The following PIWIL1 variants were observed in gnomAD, a reference collection of about 807,000 sequenced individuals.
PIWIL1 encodes the protein piwi-like protein 1.
A neutral mutation model predicts 114.4 loss-of-function variants in PIWIL1; 73 were observed. The ratio of observed to expected loss-of-function variants is 0.64; its 90% CI spans 0.53 to 0.78. PIWIL1 has a LOEUF of 0.78. Among genes scored for constraint, PIWIL1 ranks in the 30% least tolerant of loss-of-function variants. The pLI is 0.00. For synonymous variants in PIWIL1, 375 were observed against 369.0 expected, an observed-to-expected ratio of 1.02 and a Z score of -0.19; for missense variants, 723 against 1,063.1, an observed-to-expected ratio of 0.68 and a Z score of 4.45.
chr12:130,377,463 T>A (rs1184325691), downstream of PIWIL1, among the ~76,000 whole-genome samples: 1 of 152,154 alleles, frequency 6.6e-6, no homozygotes, highest in East Asian at 1.9e-4. Context: ...GACGTGGATA[T>A]GTTAGAAATC....
chr12:130,423,652 T>C, the PIWIL1 span, among the ~76,000 whole-genome samples: 1 of 33,322 alleles, frequency 3.0e-5, no homozygotes. Context: ...TTGGAAACAA[T>C]ATGCAAAAAA....
intron 18 of PIWIL1, among the ~76,000 whole-genome samples, chr12:130,365,122 G>A (rs1356418045): frequency 2.0e-5 from 3 of 152,144 alleles, no homozygotes; most frequent in Non-Finnish European, 4.4e-5. Flanking sequence ...TGGTGGGTGC[G>A]CCTACCCAGC....
At chr12:130,390,703 T>C in the PIWIL1 span, among the ~76,000 whole-genome samples, 1 of 152,236 alleles carries the variant, frequency 6.6e-6, no homozygotes, top group Non-Finnish European at 1.5e-5. Flanking sequence ...AAGTCATTTG[T>C]CATAGACCTT....
At chr12:130,341,852 C>G (rs1435828452) in intron 1 of PIWIL1, among the ~76,000 whole-genome samples, 1 of 152,134 alleles carries the variant, frequency 6.6e-6, no homozygotes, top group Admixed American at 6.5e-5. Flanking sequence ...TCCCAGCTCA[C>G]AGGAAGCACT....
chr12:130,355,320 G>A (rs1317988847), intron 11 of PIWIL1, among the ~76,000 whole-genome samples: 2 of 152,162 alleles, frequency 1.3e-5, no homozygotes, highest in Non-Finnish European at 2.9e-5. Context: ...GGTTTCCTTT[G>A]ACGGGGAGAA....
At chr12:130,346,037 T>A (rs140878985) in intron 4 of PIWIL1, among the ~76,000 whole-genome samples, 159 bp downstream of exon 4, 1 of 152,338 alleles carries the variant, frequency 6.6e-6, no homozygotes, top group African/African-American at 2.4e-5. Flanking sequence ...GTTATAGATA[T>A]CTTTAACTGC....
chr12:130,399,944 TGAAAG>T, the PIWIL1 span: 5 of 1,016,194 alleles, frequency 4.9e-6, no homozygotes, highest in East Asian at 5.1e-5. Context: ...TGGCAGGACT[TGAAAG>T]GACTCTAAAT....
At chr12:130,406,189 C>T in the PIWIL1 span, 1 of 1,585,306 alleles carries the variant, frequency 6.3e-7, no homozygotes, top group Non-Finnish European at 8.7e-7. Context: ...AATCCATCTT[C>T]ATCAATTTCA....
chr12:130,405,261 G>A, the PIWIL1 span, among the ~76,000 whole-genome samples: 4 of 152,150 alleles, frequency 2.6e-5, no homozygotes, highest in African/African-American at 9.7e-5. Flanking sequence ...TGAAACACAT[G>A]TGACAAAGTA....
chr12:130,348,059 A>C, intron 6 of PIWIL1, 44 bp from the exon 7 acceptor site: 94 of 1,263,322 alleles, frequency 7.4e-5, no homozygotes, highest in Non-Finnish European at 9.9e-5. Context: ...TTGTCGTATT[A>C]GAGATACTTA....
downstream of PIWIL1, among the ~76,000 whole-genome samples, chr12:130,376,617 C>T (rs530357046): frequency 2.0e-5 from 3 of 152,300 alleles, no homozygotes; most frequent in African/African-American, 4.8e-5. Context: ...AGGCCAGAAA[C>T]CTGGGAGCCA....
the PIWIL1 span, chr12:130,414,026 G>T: frequency 8.6e-6 from 11 of 1,282,172 alleles, no homozygotes; most frequent in Non-Finnish European, 1.2e-5. Context: ...TGCAGGAGAA[G>T]GCCATCTCTA....
chr12:130,393,690 A>C, the PIWIL1 span, among the ~76,000 whole-genome samples: 1 of 152,004 alleles, frequency 6.6e-6, no homozygotes, highest in African/African-American at 2.4e-5. Flanking sequence ...CACTATTATA[A>C]TAATGTGATA....
At chr12:130,407,666 C>T in the PIWIL1 span, 1 of 1,353,196 alleles carries the variant, frequency 7.4e-7, no homozygotes, top group East Asian at 2.3e-5. Flanking sequence ...GTGTGGTGTA[C>T]CACGAGGGAA....
In PIWIL1 at chr12:130,350,054, T is replaced by C. The variant is rs1366212604; in HGVS notation, c.1044+87T>C. ...CACTTGTTGCACATTTGGAACAAGT[T>C]GCGTTTAAAGCTGTGTGTAAATGTA... On this transcript the variant is annotated intron_variant, in intron 9 of 20. Transcript: ENST00000245255. 5.4e-6 allele frequency: 4 copies of C among 740,984 alleles called. No individual in the cohort carries two copies. In the African/African-American group the frequency reaches 7.1e-5, roughly 13 times the overall value. 45.9% of individuals were successfully genotyped at this position (740,984 alleles called of 1,614,324 possible).
intron 3 of PIWIL1, among the ~76,000 whole-genome samples, chr12:130,344,370 A>G (rs942391296): frequency 3.9e-5 from 6 of 152,106 alleles, no homozygotes; most frequent in Admixed American, 3.9e-4. Context: ...TACATGTTTA[A>G]AGGATTTTTA....
chr12:130,406,716 G>A, the PIWIL1 span, among the ~76,000 whole-genome samples: 1 of 151,976 alleles, frequency 6.6e-6, no homozygotes, highest in African/African-American at 2.4e-5. Context: ...GTGCAACCTC[G>A]GCCCACTGCA....
In PIWIL1 at chr12:130,372,530, G is replaced by T. The variant is rs12316408; in HGVS notation, c.*932G>T. 1 of 136,058 alleles carries T rather than the reference G, an allele frequency of 7.3e-6. No homozygotes were observed. Among genetic ancestry groups the T allele is most frequent in the African/African-American group, 2.8e-5 (1 of 36,154 alleles). 8.4% of individuals were successfully genotyped at this position (136,058 alleles called of 1,614,324 possible). On this transcript the variant is annotated 3_prime_UTR_variant, in exon 21 of 21. Transcript: ENST00000245255. ...GGAGAATCACTTGAACCTGAGAGGC[G>T]GAGGTTGCAGTGAGCAGAGATCACG...
At chr12:130,424,079 A>T in the PIWIL1 span, 1 of 889,688 alleles carries the variant, frequency 1.1e-6, no homozygotes, top group Admixed American at 4.3e-5. This position sits in a 1 kb window ranked among gnomAD's most constrained non-coding sequence, Gnocchi z 9.8. Flanking sequence ...ACAGAAAACC[A>T]GTGAAAGGAT....
Sources: gnomAD v4.1 joint callset for allele counts (sites outside exome capture counted in the v4.1 genomes callset) on GRCh38, gnomAD v4.1.1 for gene constraint, Gnocchi (gnomAD v3.1) non-coding constraint, MANE v1.5 for transcripts, NCBI Gene and HGNC (gene_info 2026-07-23, HGNC 2026-07-21) for gene names.